DNM3: variants seen among roughly 807,000 people sequenced by gnomAD.
The protein encoded by DNM3 is dynamin-3.
Under a neutral mutation model 101.6 loss-of-function variants are expected in DNM3, and 47 were observed. That is an observed-to-expected ratio of 0.46 (90% CI 0.37 to 0.59). The LOEUF is 0.59. Among genes scored for constraint, DNM3 ranks in the 20% least tolerant of loss-of-function variants. DNM3 has a pLI of 0.00. For synonymous variants in DNM3, 385 were observed against 387.9 expected, an observed-to-expected ratio of 0.99 and a Z score of 0.09; for missense variants, 849 against 1,085.7, an observed-to-expected ratio of 0.78 and a Z score of 3.06.
intron 14 of DNM3, among the ~76,000 whole-genome samples, chr1:172,242,931 T>A (rs996862377): frequency 3.3e-5 from 5 of 152,186 alleles, no homozygotes; most frequent in Non-Finnish European, 7.3e-5. Flanking sequence ...CAACAAATCC[T>A]CCTTTGTCTC....
intron 14 of DNM3, among the ~76,000 whole-genome samples, chr1:172,232,752 C>T (rs2061387147): frequency 6.6e-6 from 1 of 152,186 alleles, no homozygotes. Context: ...AACCGCTCAA[C>T]TACATGGAAA....
At chr1:172,054,738 C>T (rs1378201526) in intron 10 of DNM3, among the ~76,000 whole-genome samples, 1 of 152,118 alleles carries the variant, frequency 6.6e-6, no homozygotes, top group Non-Finnish European at 1.5e-5. Context: ...GCGGATGGAT[C>T]ACCTGAGATC....
rs756218095 is a variant in DNM3, at chr1:171,987,347, T to A, written c.236-309T>A. The stretch of plus-strand genomic sequence containing the variant: ...AATGTCTTTAACAATCAGGTGCTGT[T>A]GTTTGCTTTATCATTTGGATAGCCA... On this transcript the variant is annotated intron_variant, in intron 2 of 20. Coordinates refer to ENST00000627582, the MANE Select transcript of DNM3 (RefSeq NM_015569.5). The A allele has an allele frequency of 1.7e-3, 1,668 of 984,184 alleles. 2 individuals are homozygous for A. The highest frequency in any genetic ancestry group is 1.9e-3 in the Non-Finnish European group (1,577 of 828,800). 61.0% of individuals were successfully genotyped at this position (984,184 alleles called of 1,614,324 possible).
At chr1:172,392,868 G>A (rs571152678) in intron 20 of DNM3, among the ~76,000 whole-genome samples, 32 of 152,180 alleles carry the variant, frequency 2.1e-4, no homozygotes, top group Middle Eastern at 3.4e-3. Flanking sequence ...TGAATCATTC[G>A]AAAGGATTTG....
Position 172,408,069 on chromosome 1 carries a change from C to G in DNM3, c.*228C>G. On this transcript the variant is annotated 3_prime_UTR_variant, in exon 21 of 21. Transcript: ENST00000627582. ...TAGAGGCTTTATATGTTGTACTGAC[C>G]AAGGTAGGTTTGTATAGCAGCCCTA... 1 of 1,370,756 alleles carries G rather than the reference C, an allele frequency of 7.3e-7. No individual in the cohort carries two copies. Among genetic ancestry groups the G allele is most frequent in the South Asian group, 1.8e-5 (1 of 57,046 alleles). 84.9% of individuals were successfully genotyped at this position (1,370,756 alleles called of 1,614,324 possible).
chr1:171,934,408 TTGTCTC>T (rs1430921933), intron 2 of DNM3, among the ~76,000 whole-genome samples: 10 of 152,266 alleles, frequency 6.6e-5, no homozygotes, highest in Non-Finnish European at 1.5e-4. Flanking sequence ...TTGCATTTCA[TTGTCTC>T]TGTATACATT....
intron 17 of DNM3, among the ~76,000 whole-genome samples, chr1:172,371,184 A>C (rs2068304235): frequency 6.6e-6 from 1 of 152,014 alleles, no homozygotes; most frequent in South Asian, 2.1e-4. Flanking sequence ...TTTGACTTAA[A>C]TACATTTTCC....
chr1:171,858,867 A>G (rs1215233679), intron 1 of DNM3, among the ~76,000 whole-genome samples: 2 of 152,182 alleles, frequency 1.3e-5, no homozygotes, highest in East Asian at 3.8e-4. Context: ...GAAACTGATC[A>G]TCTGTGCTTA....
chr1:172,061,171 G>T (rs371387592), intron 10 of DNM3, among the ~76,000 whole-genome samples: 39 of 151,170 alleles, frequency 2.6e-4, no homozygotes, highest in African/African-American at 6.3e-4. Context: ...CCAGTTAGAA[G>T]GGCAATCATT....
intron 15 of DNM3, chr1:172,290,018 A>G: frequency 2.2e-6 from 2 of 920,092 alleles, no homozygotes; most frequent in Non-Finnish European, 2.6e-6. Context: ...AATTTGTGAT[A>G]ATGTAAGATC....
intron 17 of DNM3, among the ~76,000 whole-genome samples, chr1:172,334,421 A>C (rs2066328897): frequency 6.6e-6 from 1 of 152,186 alleles, no homozygotes; most frequent in Admixed American, 6.6e-5. Flanking sequence ...GTGCCGCTGA[A>C]CATCCTATGA....
chr1:172,032,856 A>C (rs2048712171), intron 5 of DNM3, among the ~76,000 whole-genome samples: 1 of 151,794 alleles, frequency 6.6e-6, no homozygotes, highest in Non-Finnish European at 1.5e-5. Context: ...TAAGATACAC[A>C]CTCTCTTAAA....
intron 15 of DNM3, among the ~76,000 whole-genome samples, chr1:172,258,051 T>C (rs1210760784): frequency 2.0e-5 from 3 of 152,168 alleles, no homozygotes; most frequent in Non-Finnish European, 4.4e-5. Flanking sequence ...CTTCCTGTGT[T>C]TGGCTTACTT....
intron 4 of DNM3, among the ~76,000 whole-genome samples, chr1:171,992,613 A>G (rs1421140680): frequency 6.6e-6 from 1 of 152,114 alleles, no homozygotes; most frequent in Non-Finnish European, 1.5e-5. Flanking sequence ...TTTGTGGATC[A>G]TTAGAACTGC....
chr1:172,350,344 G>C (rs2067147554), intron 17 of DNM3, among the ~76,000 whole-genome samples: 3 of 138,388 alleles, frequency 2.2e-5, no homozygotes, highest in South Asian at 4.7e-4. Context: ...GTGTGTGTGT[G>C]TTTGTGTGTC....
chr1:172,249,158 T>C (rs2062071426), intron 14 of DNM3, among the ~76,000 whole-genome samples: 1 of 152,150 alleles, frequency 6.6e-6, no homozygotes, highest in African/African-American at 2.4e-5. Context: ...CTCATACCCA[T>C]TGTATCTCCT....
Position 171,990,355 on chromosome 1 carries a change from A to C in DNM3, c.589+1207A>C, listed in dbSNP as rs60369569. On this transcript the variant is annotated intron_variant, in intron 4 of 20. Coordinates refer to ENST00000627582, the MANE Select transcript of DNM3 (RefSeq NM_015569.5). Reference sequence around the variant, plus strand: ...GATTCATTGACCAGTGGGTTTTCCCATGGAGTAACTGTGCTGAGAGTTGAC... The same window carrying C: ...GATTCATTGACCAGTGGGTTTTCCCCTGGAGTAACTGTGCTGAGAGTTGAC... 7.5e-3 allele frequency among the ~76,000 whole-genome samples: 1,141 copies of C among 152,248 alleles called. 17 individuals carry two copies. The highest frequency in any genetic ancestry group is 0.026 in the African/African-American group (1,087 of 41,546).
At chr1:172,234,440 T>C (rs2061458679) in intron 14 of DNM3, among the ~76,000 whole-genome samples, 1 of 152,128 alleles carries the variant, frequency 6.6e-6, no homozygotes, top group South Asian at 2.1e-4. Flanking sequence ...ATCAATATCA[T>C]GAAAATGGCC....
intron 14 of DNM3, among the ~76,000 whole-genome samples, chr1:172,134,733 A>G (rs1023882968): frequency 2.0e-5 from 3 of 152,186 alleles, no homozygotes; most frequent in Non-Finnish European, 2.9e-5. Flanking sequence ...GGAAGAAAAT[A>G]AAGCCAGTGA....
Sources: allele counts gnomAD v4.1 joint callset (sites outside exome capture counted in the v4.1 genomes callset), GRCh38; gene constraint gnomAD v4.1.1; transcripts MANE v1.5; gene names NCBI Gene and HGNC (gene_info 2026-07-23, HGNC 2026-07-21).